The following PLAT variants were observed in gnomAD, a reference collection of about 807,000 sequenced individuals.
PLAT encodes the protein tissue-type plasminogen activator.
A neutral mutation model predicts 74.9 loss-of-function variants in PLAT; 48 were observed. The ratio of observed to expected loss-of-function variants is 0.64; its 90% CI spans 0.51 to 0.82. PLAT has a LOEUF of 0.82. Ranked by LOEUF, PLAT falls within the 40% of genes least tolerant of loss-of-function variation. The probability of loss-of-function intolerance (pLI) is 0.00; values close to 1 mark genes in which losing one functional copy is unlikely to be tolerated. For synonymous variants in PLAT, 307 were observed against 294.4 expected, an observed-to-expected ratio of 1.04 and a Z score of -0.44; for missense variants, 673 against 736.2, an observed-to-expected ratio of 0.91 and a Z score of 0.99.
rs757749145 is a variant in PLAT at position 42,178,958 on chromosome 8, ATGT to A, written c.1466_1468del (p.Asn489del). 6.2e-7 allele frequency: 1 copy of A among 1,614,086 alleles called. No homozygotes were observed. The highest frequency in any genetic ancestry group is 1.1e-5 in the South Asian group (1 of 91,086). On this transcript the variant is annotated inframe_deletion, in exon 13 of 14. Coordinates refer to ENST00000220809, the MANE Select transcript of PLAT (RefSeq NM_000930.5). ...GCTCCGAGTGTCTCCAGCACACAGC[ATGT>A]TGTCGGTGACTGTTCTGTTAAGTAA...
At chr8:42,202,913 CA>C (rs1806190349) in intron 1 of PLAT, among the ~76,000 whole-genome samples, 1 of 152,130 alleles carries the variant, frequency 6.6e-6, no homozygotes, top group Admixed American at 6.5e-5. Flanking sequence ...CCAGACAGAG[CA>C]CATCCCCACG....
intron 1 of PLAT, among the ~76,000 whole-genome samples, chr8:42,202,147 G>T (rs1806153937): frequency 6.6e-6 from 1 of 151,590 alleles, no homozygotes; most frequent in Non-Finnish European, 1.5e-5. Flanking sequence ...AGCTTCTCAA[G>T]TAGCTGGGAC....
rs8178771 is a variant in PLAT at position 42,183,687 on chromosome 8, C to T, written c.632-797G>A. 7.8e-4 allele frequency among the ~76,000 whole-genome samples: 119 copies of T among 152,104 alleles called. 1 individual carries two copies. Among genetic ancestry groups the T allele is most frequent in the African/African-American group, 2.7e-3 (113 of 41,464 alleles). On this transcript the variant is annotated intron_variant, in intron 7 of 13. Transcript: ENST00000220809. ...TCCATTTTTTTCTCCCGACCTGAAA[C>T]TGACAAAGCATACCTCTATACATAA... is the stretch of plus-strand genomic sequence containing the variant.
At chr8:42,196,926 G>A (rs975245524) in intron 1 of PLAT, among the ~76,000 whole-genome samples, 1 of 152,128 alleles carries the variant, frequency 6.6e-6, no homozygotes, top group African/African-American at 2.4e-5. Context: ...AAGGATGAAA[G>A]AAAGGAAGGC....
chr8:42,196,827 A>C (rs1805927638), intron 1 of PLAT, among the ~76,000 whole-genome samples: 1 of 151,150 alleles, frequency 6.6e-6, no homozygotes, highest in Non-Finnish European at 1.5e-5. Flanking sequence ...CAGGATCATC[A>C]AAGAACTGAA....
At chr8:42,202,603 T>G (rs1422410961) in intron 1 of PLAT, among the ~76,000 whole-genome samples, 1 of 151,290 alleles carries the variant, frequency 6.6e-6, no homozygotes. Flanking sequence ...TCAACGTGTA[T>G]GGAGCACCAG....
chr8:42,194,122 G>A (rs953315979), intron 1 of PLAT, among the ~76,000 whole-genome samples: 7 of 130,762 alleles, frequency 5.4e-5, no homozygotes, highest in African/African-American at 2.1e-4. Flanking sequence ...GCATGAACAT[G>A]GTTCACTGCA....
intron 1 of PLAT, among the ~76,000 whole-genome samples, chr8:42,202,649 A>G (rs1806178797): frequency 6.6e-6 from 1 of 152,228 alleles, no homozygotes; most frequent in Non-Finnish European, 1.5e-5. Context: ...ATGCAAAGAC[A>G]CAGCTCTTAT....
chr8:42,191,035 C>T (rs1805661551), intron 3 of PLAT, among the ~76,000 whole-genome samples: 1 of 152,212 alleles, frequency 6.6e-6, no homozygotes, highest in African/African-American at 2.4e-5. Flanking sequence ...AAGCCACTTG[C>T]TCTCTCCTGG....
At chr8:42,178,743 A>T (rs191545616) in intron 13 of PLAT, among the ~76,000 whole-genome samples, 154 bp downstream of exon 13, 14 of 152,330 alleles carry the variant, frequency 9.2e-5, no homozygotes, top group African/African-American at 3.4e-4. Flanking sequence ...CAGTTGCTTT[A>T]TTCTGTGAGG....
At chr8:42,188,290 T>C (rs919056855) in intron 4 of PLAT, 5 of 377,108 alleles carry the variant, frequency 1.3e-5, no homozygotes, top group African/African-American at 1.0e-4. Context: ...AGTTAAAATA[T>C]TAAGAATGTG....
intron 1 of PLAT, among the ~76,000 whole-genome samples, chr8:42,199,402 T>C (rs1401693319): frequency 1.3e-5 from 2 of 151,154 alleles, no homozygotes; most frequent in Non-Finnish European, 3.0e-5. Context: ...AGGCGAGGAG[T>C]TCAAGACCAG....
intron 2 of PLAT, among the ~76,000 whole-genome samples, chr8:42,192,338 A>G (rs8178730): frequency 0.052 from 7,921 of 152,158 alleles, 686 homozygotes; most frequent in African/African-American, 0.18. Flanking sequence ...TCCACTTTGT[A>G]TATCTGCAGG....
chr8:42,186,238 C>T (rs960046979), intron 6 of PLAT: 8 of 151,494 alleles, frequency 5.3e-5, no homozygotes, highest in South Asian at 2.1e-4. Context: ...TGTTGACTTT[C>T]ACCTTGGCAT....
At chr8:42,201,613 G>A (rs1472499916) in intron 1 of PLAT, among the ~76,000 whole-genome samples, 1 of 152,162 alleles carries the variant, frequency 6.6e-6, no homozygotes, top group Admixed American at 6.5e-5. Context: ...TGTGTTCGTA[G>A]AACAGTATCA....
chr8:42,179,968 A>T lies in PLAT; in HGVS notation c.1321T>A (p.Trp441Arg). 1 of 1,608,512 alleles carries T rather than the reference A, an allele frequency of 6.2e-7. No homozygotes were observed. Among genetic ancestry groups the T allele is most frequent in the South Asian group, 1.1e-5 (1 of 90,270 alleles). The change falls in exon 12 of 14, where the codon TGG (tryptophan) becomes AGG (arginine). Residue 441 changes from tryptophan (W) to arginine (R), a missense_variant. Trp to Arg is a moderately radical substitution (Grantham distance 101). Coordinates refer to ENST00000220809, the MANE Select transcript of PLAT (RefSeq NM_000930.5). ...TAGCCGGAGAGCTCACACTCCGTCC[A>T]GTCCGGCAGCTGCAGGTCCGCCGGG... ...LPPADLQLPD[W>R]TECELSGYGK...
At chr8:42,185,221 T>C in intron 6 of PLAT, 49 bp from the exon 7 acceptor site, 1 of 1,224,622 alleles carries the variant, frequency 8.2e-7, no homozygotes, top group East Asian at 2.4e-5. Context: ...AGGTGAAGCC[T>C]CTCCTTTAGG....
intron 1 of PLAT, among the ~76,000 whole-genome samples, chr8:42,206,163 G>C (rs1281097448): frequency 1.3e-5 from 2 of 152,362 alleles, no homozygotes; most frequent in African/African-American, 2.4e-5. Flanking sequence ...CAGAGAAGGA[G>C]CATTTTGGAG....
At chr8:42,178,264 CTTTTTTTTTTTTT>C (rs5891180) in intron 13 of PLAT, among the ~76,000 whole-genome samples, 3 of 110,048 alleles carry the variant, frequency 2.7e-5, no homozygotes, top group South Asian at 5.3e-4. Flanking sequence ...ACATTTCTTT[CTTTTTTTTTTTTT>C]TTTTTTTTTT....
Sources: gnomAD v4.1 joint callset for allele counts (sites outside exome capture counted in the v4.1 genomes callset) on GRCh38, gnomAD v4.1.1 for gene constraint, MANE v1.5 for transcripts, NCBI Gene and HGNC (gene_info 2026-07-23, HGNC 2026-07-21) for gene names.